The following SLC26A7 variants were observed in gnomAD, a reference collection of about 807,000 sequenced individuals.
SLC26A7 encodes anion exchange transporter.
In SLC26A7, 59 loss-of-function variants were observed where a neutral mutation model predicts 82.5. The observed-to-expected ratio is 0.72, with a 90% CI of 0.58 to 0.89. The LOEUF is 0.89. Ranked by LOEUF, SLC26A7 falls within the 40% of genes least tolerant of loss-of-function variation. SLC26A7 has a pLI of 0.00. For missense variants in SLC26A7, 820 were observed against 793.0 expected (o/e 1.03, Z -0.41); for synonymous variants, 271 against 274.3 (o/e 0.99, Z 0.12).
At chr8:91,360,384 C>T (rs947870986) in intron 11 of SLC26A7, among the ~76,000 whole-genome samples, 5 of 151,956 alleles carry the variant, frequency 3.3e-5, no homozygotes, top group South Asian at 2.1e-4. Flanking sequence ...AATAGGGGCC[C>T]GAGAGCCAAC....
chr8:91,340,629 C>T, intron 8 of SLC26A7, 78 bp downstream of exon 8: 3 of 1,567,564 alleles, frequency 1.9e-6, no homozygotes, highest in African/African-American at 1.4e-5. Context: ...AAATGATGAA[C>T]TTATGAAAAA....
chr8:91,289,291 G>A (rs755531016), intron 3 of SLC26A7, 45 bp downstream of exon 3: 2 of 1,437,116 alleles, frequency 1.4e-6, no homozygotes, highest in East Asian at 4.5e-5. Context: ...TCGCAAAAAA[G>A]ACTTAGTGAT....
intron 2 of SLC26A7, among the ~76,000 whole-genome samples, chr8:91,250,667 G>T (rs1374265234): frequency 6.6e-6 from 1 of 152,096 alleles, no homozygotes; most frequent in African/African-American, 2.4e-5. Context: ...CCTTGGCATA[G>T]ACACTGCAGG....
At chr8:91,319,299 T>A (rs1337756473) in intron 5 of SLC26A7, among the ~76,000 whole-genome samples, 1 of 152,194 alleles carries the variant, frequency 6.6e-6, no homozygotes, top group Non-Finnish European at 1.5e-5. Flanking sequence ...ATCAAAGGGG[T>A]ATAAATTTCA....
At chr8:91,310,613 C>A (rs556532602) in intron 4 of SLC26A7, among the ~76,000 whole-genome samples, 4 of 152,084 alleles carry the variant, frequency 2.6e-5, no homozygotes, top group African/African-American at 9.7e-5. Context: ...GGCTCAAGAA[C>A]GCGTATTAAG....
chr8:91,328,556 G>A (rs566258859), intron 5 of SLC26A7, among the ~76,000 whole-genome samples: 1 of 152,044 alleles, frequency 6.6e-6, no homozygotes, highest in Admixed American at 6.6e-5. Context: ...ACTTATTCAA[G>A]GTAAAATCTA....
At chr8:91,330,616 A>G (rs1190994435) in intron 5 of SLC26A7, among the ~76,000 whole-genome samples, 1 of 152,144 alleles carries the variant, frequency 6.6e-6, no homozygotes, top group Non-Finnish European at 1.5e-5. Flanking sequence ...GCTGTGGACA[A>G]ATAGAAATGA....
chr8:91,272,324 T>C (rs1334206840), intron 2 of SLC26A7, among the ~76,000 whole-genome samples: 1 of 152,244 alleles, frequency 6.6e-6, no homozygotes, highest in Admixed American at 6.5e-5. Flanking sequence ...AGTTTACTGA[T>C]AAATTGAAGT....
At chr8:91,283,576 C>G (rs1811630415) in intron 2 of SLC26A7, among the ~76,000 whole-genome samples, 1 of 152,082 alleles carries the variant, frequency 6.6e-6, no homozygotes, top group African/African-American at 2.4e-5. Flanking sequence ...ATTCATAACT[C>G]TTACTCTTTC....
At chr8:91,327,705 G>A (rs1812971049) in intron 5 of SLC26A7, among the ~76,000 whole-genome samples, 1 of 152,156 alleles carries the variant, frequency 6.6e-6, no homozygotes, top group South Asian at 2.1e-4. Flanking sequence ...TTAAAATAGT[G>A]TGCTGATAGA....
chr8:91,213,503 G>T (rs1262489344), intron 1 of SLC26A7, among the ~76,000 whole-genome samples: 2 of 152,120 alleles, frequency 1.3e-5, no homozygotes, highest in Non-Finnish European at 2.9e-5. Context: ...ATTTTTGAGG[G>T]CCTGCTTTAA....
Position 91,362,401 on chromosome 8 carries a change from G to C in SLC26A7, c.1363G>C (p.Val455Leu). The change falls in exon 12 of 19, where the codon GTG (valine) becomes CTG (leucine). Residue 455 changes from valine (V) to leucine (L), a missense_variant. Transcript: ENST00000276609. Reference sequence around the variant, plus strand: ...ATTTACAATATGCTTTGCTGCCAATGTGGGACTGCTGTTTGGTGTTGTTTG... The same window carrying C: ...ATTTACAATATGCTTTGCTGCCAATCTGGGACTGCTGTTTGGTGTTGTTTG... ...YVFTICFAAN[V>L]GLLFGVVCTI... is the part of the protein sequence containing the mutation. The C allele has an allele frequency of 6.2e-7, 1 of 1,613,402 alleles. No individual in the cohort carries two copies. Among genetic ancestry groups the C allele is most frequent in the African/African-American group, 1.3e-5 (1 of 75,026 alleles).
chr8:91,368,978 G>A (rs925022520), intron 14 of SLC26A7, among the ~76,000 whole-genome samples: 1 of 152,160 alleles, frequency 6.6e-6, no homozygotes, highest in Non-Finnish European at 1.5e-5. Flanking sequence ...GAGAAAACAC[G>A]GGCTCTCTAG....
chr8:91,254,229 G>A lies in SLC26A7; in HGVS notation c.193+4385G>A, dbSNP rs374708348. Among the ~76,000 whole-genome samples the A allele has an allele frequency of 1.4e-4, 22 of 152,132 alleles. No homozygotes were observed. The East Asian group carries it at 1.9e-3, about 13-fold the overall frequency. On this transcript the variant is annotated intron_variant, in intron 2 of 18. Coordinates refer to ENST00000276609, the MANE Select transcript of SLC26A7 (RefSeq NM_052832.4). ...GAAAAATCTAGGGAGACATGGTCAC[G>A]CAGGGCCCACATCTCCATGCGGCAA...
intron 1 of SLC26A7, among the ~76,000 whole-genome samples, chr8:91,210,562 GACACAC>G (rs35968986): frequency 0.027 from 3,998 of 146,170 alleles, 139 homozygotes; most frequent in African/African-American, 0.082. Context: ...CACACACACA[GACACAC>G]ACACACACAC....
At chr8:91,286,614 A>G (rs542551555) in intron 2 of SLC26A7, among the ~76,000 whole-genome samples, 169 of 152,198 alleles carry the variant, frequency 1.1e-3, no homozygotes, top group Non-Finnish European at 1.9e-3. Context: ...CATTTGCAAT[A>G]TTTTTCCCCG....
chr8:91,287,144 A>G lies in SLC26A7; in HGVS notation c.194-1992A>G, dbSNP rs1333432981. Among the ~76,000 whole-genome samples the G allele has an allele frequency of 3.3e-5, 5 of 152,208 alleles. No homozygotes were observed. The East Asian group carries it at 9.6e-4, about 29-fold the overall frequency. On this transcript the variant is annotated intron_variant, in intron 2 of 18. Transcript: ENST00000276609. ...ATGTCTACATGATTTCTGGTCTTGG[A>G]GATTGTTGTAGAAGAATCTCCTGAC...
chr8:91,325,902 CT>C (rs1454941601), intron 5 of SLC26A7, among the ~76,000 whole-genome samples: 3 of 152,196 alleles, frequency 2.0e-5, no homozygotes, highest in Non-Finnish European at 4.4e-5. Context: ...ACACAAGTCT[CT>C]GGAGCCTTGG....
intron 3 of SLC26A7, among the ~76,000 whole-genome samples, chr8:91,294,245 C>G (rs1024490190): frequency 3.9e-5 from 6 of 152,140 alleles, no homozygotes; most frequent in Non-Finnish European, 7.4e-5. Context: ...ATGTCATCTT[C>G]TATGATATGT....
Sources: allele counts gnomAD v4.1 joint callset (sites outside exome capture counted in the v4.1 genomes callset), GRCh38; gene constraint gnomAD v4.1.1; transcripts MANE v1.5; gene names NCBI Gene and HGNC (gene_info 2026-07-23, HGNC 2026-07-21).